PLA2G2D: variants seen among roughly 807,000 people sequenced by gnomAD.
The protein encoded by PLA2G2D is group IID secretory phospholipase A2.
In PLA2G2D, 17 loss-of-function variants were observed where a neutral mutation model predicts 13.9. The ratio of observed to expected loss-of-function variants is 1.23; its 90% CI spans 0.84 to 1.84. The LOEUF (loss-of-function observed/expected upper bound fraction) is 1.84. PLA2G2D is among the 40% of genes most tolerant of loss of function. The pLI is 0.00. For missense variants in PLA2G2D, 194 were observed against 178.7 expected, an observed-to-expected ratio of 1.09 and a Z score of -0.49; for synonymous variants, 83 against 69.3, an observed-to-expected ratio of 1.20 and a Z score of -0.98.
Position 20,113,706 on chromosome 1 carries a change from A to G in PLA2G2D, c.*408T>C, listed in dbSNP as rs2016928893. 1 of 165,918 alleles carries G rather than the reference A, an allele frequency of 6.0e-6. No individual in the cohort carries two copies. Among genetic ancestry groups the G allele is most frequent in the African/African-American group, 2.4e-5 (1 of 41,852 alleles). 10.3% of individuals were successfully genotyped at this position (165,918 alleles called of 1,614,324 possible). A position where few individuals can be genotyped will look rare whatever the true frequency, so the allele number is the denominator to read the frequency against. ...GTGGAGGGCCTTGAGGTTTTAAAAG[A>G]TAGAGCCACATGGACAGAAAGATCA... On this transcript the variant is annotated 3_prime_UTR_variant, in exon 4 of 4. Coordinates refer to ENST00000375105, the MANE Select transcript of PLA2G2D (RefSeq NM_012400.4).
intron 3 of PLA2G2D, among the ~76,000 whole-genome samples, chr1:20,114,592 A>C (rs957657417): frequency 3.9e-5 from 6 of 152,192 alleles, no homozygotes; most frequent in Admixed American, 1.3e-4. Flanking sequence ...TAACATGAGG[A>C]ACCATGCAGG....
At chr1:20,114,566 AAC>A (rs2100673461) in intron 3 of PLA2G2D, among the ~76,000 whole-genome samples, 1 of 152,342 alleles carries the variant, frequency 6.6e-6, no homozygotes, top group African/African-American at 2.4e-5. Context: ...GGAGGAAAAA[AAC>A]AACTATGCAA....
chr1:20,118,966 G>T (rs1441542991), intron 1 of PLA2G2D, among the ~76,000 whole-genome samples: 2 of 152,190 alleles, frequency 1.3e-5, no homozygotes, highest in African/African-American at 4.8e-5. Context: ...AGGCCAATTT[G>T]CTAGCAACTG....
intron 2 of PLA2G2D, among the ~76,000 whole-genome samples, chr1:20,115,937 A>G (rs1279191924): frequency 2.0e-5 from 3 of 152,184 alleles, no homozygotes; most frequent in Non-Finnish European, 4.4e-5. Flanking sequence ...TAAGTGGCAG[A>G]TCGTGGCAGT....
chr1:20,119,364 A>G, intron 1 of PLA2G2D, 95 bp downstream of exon 1: 1 of 1,096,464 alleles, frequency 9.1e-7, no homozygotes, highest in Non-Finnish European at 1.4e-6. Context: ...GCTCCTGGGG[A>G]TCAGAGCAGC....
chr1:20,113,284 T>G lies in PLA2G2D; in HGVS notation c.*830A>C, dbSNP rs1318561605. Reference sequence around the variant, plus strand: ...CATTGTGGGAGCTTGGAGGAGGGAGTGAGCCCTTGCAGTCAGGGAGAAGGA... The same window carrying G: ...CATTGTGGGAGCTTGGAGGAGGGAGGGAGCCCTTGCAGTCAGGGAGAAGGA... On this transcript the variant is annotated 3_prime_UTR_variant, in exon 4 of 4. Coordinates refer to ENST00000375105, the MANE Select transcript of PLA2G2D (RefSeq NM_012400.4). 1 of 152,122 alleles carries G rather than the reference T, an allele frequency of 6.6e-6. No individual in the cohort carries two copies. The highest frequency in any genetic ancestry group is 1.5e-5 in the Non-Finnish European group (1 of 68,170). 9.4% of individuals were successfully genotyped at this position (152,122 alleles called of 1,614,324 possible).
In PLA2G2D at chr1:20,114,072, C is replaced by A; in HGVS notation, c.*42G>T. On this transcript the variant is annotated 3_prime_UTR_variant, in exon 4 of 4. Coordinates refer to ENST00000375105, the MANE Select transcript of PLA2G2D (RefSeq NM_012400.4). ...CAGGTTAGATACTGAGGTGGGGATGCCAGAGCTCCATGCTGAGGAACAGGG... is the reference window on the plus strand; with the variant it reads ...CAGGTTAGATACTGAGGTGGGGATGACAGAGCTCCATGCTGAGGAACAGGG... 1 of 1,586,054 alleles carries A rather than the reference C, an allele frequency of 6.3e-7. No individual in the cohort carries two copies.
In PLA2G2D at chr1:20,112,542, C is replaced by T. The variant is rs939824005; in HGVS notation, c.*1572G>A. On this transcript the variant is annotated 3_prime_UTR_variant, in exon 4 of 4. Transcript: ENST00000375105. ...TGGGTGACTGCAGGTGCCTCAGCCC[C>T]CTGGCTGGAAACAGCTAGCCACACA... The T allele has an allele frequency of 6.6e-6, 1 of 152,168 alleles. No homozygotes were observed. Among genetic ancestry groups the T allele is most frequent in the African/African-American group, 2.4e-5 (1 of 41,442 alleles). 9.4% of individuals were successfully genotyped at this position (152,168 alleles called of 1,614,324 possible).
At chr1:20,116,303 T>C in intron 2 of PLA2G2D, 30 bp downstream of exon 2, 1 of 1,610,754 alleles carries the variant, frequency 6.2e-7, no homozygotes, top group East Asian at 2.2e-5. Flanking sequence ...GGGGACAGTA[T>C]AGGATTGCCA....
chr1:20,116,574 T>C, intron 1 of PLA2G2D, 97 bp from the exon 2 acceptor site: 4 of 1,055,250 alleles, frequency 3.8e-6, no homozygotes, highest in Non-Finnish European at 5.8e-6. Context: ...CCAGACCAAA[T>C]GAGTGACCTC....
intron 3 of PLA2G2D, among the ~76,000 whole-genome samples, chr1:20,115,258 G>C (rs1168614057): frequency 6.6e-6 from 1 of 152,166 alleles, no homozygotes; most frequent in Non-Finnish European, 1.5e-5. Flanking sequence ...GAGGTTCAGA[G>C]AGGTTAAGCA....
chr1:20,113,044 G>A lies in PLA2G2D; in HGVS notation c.*1070C>T, dbSNP rs1176048319. ...TGGGCCTGGATGATATCTGGGTGAGGTACCCACACCATCTGCTGCAACCTC... is the reference window on the plus strand; with the variant it reads ...TGGGCCTGGATGATATCTGGGTGAGATACCCACACCATCTGCTGCAACCTC... On this transcript the variant is annotated 3_prime_UTR_variant, in exon 4 of 4. Transcript: ENST00000375105. 2 of 152,272 alleles carry A rather than the reference G, an allele frequency of 1.3e-5. No individual in the cohort carries two copies. Among genetic ancestry groups the A allele is most frequent in the Admixed American group, 1.3e-4 (2 of 15,286 alleles). The allele number at this position is 152,272 out of a possible 1,614,324, so 9.4% of individuals were successfully genotyped here. A position where few individuals can be genotyped will look rare whatever the true frequency, so the allele number is the denominator to read the frequency against.
intron 1 of PLA2G2D, among the ~76,000 whole-genome samples, chr1:20,118,530 A>T (rs2017031530): frequency 1.3e-5 from 2 of 152,132 alleles, no homozygotes; most frequent in South Asian, 4.1e-4. Flanking sequence ...AGTGGGTGGG[A>T]GGAGGTGCCA....
intron 1 of PLA2G2D, 106 bp downstream of exon 1, chr1:20,119,353 G>A (rs561962442): frequency 3.0e-5 from 30 of 1,009,714 alleles, no homozygotes; most frequent in Non-Finnish European, 1.6e-6. Context: ...GTGGGGGCCA[G>A]GCTCCTGGGG....
chr1:20,114,180 G>A lies in PLA2G2D; in HGVS notation c.372C>T (p.Asp124=), dbSNP rs1389892702. The part of the protein sequence containing the change: ...EVAFCLKRNL[D]TYQKRLRFYW... ...AGAAACGCAGTCGCTTCTGGTAGGT[G>A]TCCAGGTTGCGCTTCAGGCAGAAGG... Residue 124 remains aspartate, a synonymous_variant, in exon 4 of 4, where the codon GAC becomes GAT. Coordinates refer to ENST00000375105, the MANE Select transcript of PLA2G2D (RefSeq NM_012400.4). 6.2e-7 allele frequency: 1 copy of A among 1,614,024 alleles called. No individual in the cohort carries two copies. The highest frequency in any genetic ancestry group is 1.1e-5 in the South Asian group (1 of 91,086).
In PLA2G2D at chr1:20,113,288, C is replaced by A. The variant is rs905244599; in HGVS notation, c.*826G>T. ...GTGGGAGCTTGGAGGAGGGAGTGAG[C>A]CCTTGCAGTCAGGGAGAAGGAGTCA... On this transcript the variant is annotated 3_prime_UTR_variant, in exon 4 of 4. Coordinates refer to ENST00000375105, the MANE Select transcript of PLA2G2D (RefSeq NM_012400.4). The A allele has an allele frequency of 3.3e-5, 5 of 152,454 alleles. No homozygotes were observed. The highest frequency in any genetic ancestry group is 1.2e-4 in the African/African-American group (5 of 41,444). 9.4% of individuals were successfully genotyped at this position (152,454 alleles called of 1,614,324 possible). A position where few individuals can be genotyped will look rare whatever the true frequency, so the allele number is the denominator to read the frequency against.
At chr1:20,116,575 G>T in intron 1 of PLA2G2D, 98 bp from the exon 2 acceptor site, 3 of 1,045,134 alleles carry the variant, frequency 2.9e-6, no homozygotes, top group South Asian at 1.3e-5. Context: ...CAGACCAAAT[G>T]AGTGACCTCA....
intron 1 of PLA2G2D, 33 bp from the exon 2 acceptor site, chr1:20,116,510 G>C: frequency 6.2e-7 from 1 of 1,613,570 alleles, no homozygotes; most frequent in Non-Finnish European, 8.5e-7. Context: ...GGAGAGAAGA[G>C]GAGATGAATT....
intron 3 of PLA2G2D, 133 bp downstream of exon 3, chr1:20,115,374 A>C: frequency 1.5e-6 from 1 of 670,158 alleles, no homozygotes; most frequent in South Asian, 1.7e-5. Context: ...TTGCCTCTTC[A>C]CAGCCCAACT....
Sources: gnomAD v4.1 joint callset for allele counts (sites outside exome capture counted in the v4.1 genomes callset) on GRCh38, gnomAD v4.1.1 for gene constraint, MANE v1.5 for transcripts, NCBI Gene and HGNC (gene_info 2026-07-23, HGNC 2026-07-21) for gene names.